ATP8A1: variants seen among roughly 807,000 people sequenced by gnomAD.
ATP8A1 encodes the protein phospholipid-transporting ATPase IA.
A neutral mutation model predicts 177.7 loss-of-function variants in ATP8A1; 90 were observed. The observed-to-expected ratio is 0.51, with a 90% confidence interval of 0.43 to 0.60. The LOEUF is 0.60. Among genes scored for constraint, ATP8A1 ranks in the 20% least tolerant of loss-of-function variants. The pLI is 0.00. For missense variants in ATP8A1, 1,072 were observed against 1,392.8 expected (o/e 0.77, Z 3.67); for synonymous variants, 493 against 485.9 (o/e 1.01, Z -0.19).
At chr4:42,603,066 A>T (rs547036392) in intron 5 of ATP8A1, among the ~76,000 whole-genome samples, 1 of 152,080 alleles carries the variant, frequency 6.6e-6, no homozygotes, top group African/African-American at 2.4e-5. Context: ...GTTTTTTTTA[A>T]AAAAAAACTA....
intron 30 of ATP8A1, among the ~76,000 whole-genome samples, chr4:42,447,227 A>G (rs1717371868): frequency 6.6e-6 from 1 of 152,140 alleles, no homozygotes; most frequent in African/African-American, 2.4e-5. Flanking sequence ...TTTGTCATCC[A>G]GGTTGGAGTG....
intron 1 of ATP8A1, among the ~76,000 whole-genome samples, chr4:42,648,324 C>T (rs1740748320): frequency 6.7e-6 from 1 of 148,822 alleles, no homozygotes; most frequent in Admixed American, 6.7e-5. Flanking sequence ...AATTTGATAC[C>T]AGGGGCTAAA....
At chr4:42,438,404 A>C (rs1398129744) in intron 33 of ATP8A1, among the ~76,000 whole-genome samples, 1 of 152,160 alleles carries the variant, frequency 6.6e-6, no homozygotes. Context: ...ATGATGTAGG[A>C]TGACTGGGTT....
chr4:42,579,366 TA>T (rs34902779), intron 11 of ATP8A1, among the ~76,000 whole-genome samples: 78,661 of 147,384 alleles, frequency 0.53, 22,459 homozygotes, highest in East Asian at 0.92. Context: ...TTATTTAAGA[TA>T]AAATATATTT....
intron 33 of ATP8A1, among the ~76,000 whole-genome samples, chr4:42,428,712 T>C (rs1379111337): frequency 1.3e-5 from 2 of 152,164 alleles, no homozygotes; most frequent in Admixed American, 6.5e-5. Context: ...AAATCTTTAA[T>C]ACAATTTCAA....
intron 1 of ATP8A1, among the ~76,000 whole-genome samples, chr4:42,633,181 C>T (rs1738924784): frequency 6.6e-6 from 1 of 152,160 alleles, no homozygotes; most frequent in Non-Finnish European, 1.5e-5. Flanking sequence ...CAACAACTAC[C>T]TGGCACCTAC....
rs1717210673 is a variant in ATP8A1, at chr4:42,446,103, A to AAAAAAG, written c.2958+479_2958+480insCTTTTT. Among the ~76,000 whole-genome samples the AAAAAAG allele has an allele frequency of 7.4e-5, 8 of 107,878 alleles. 1 individual carries two copies. Among genetic ancestry groups the AAAAAAG allele is most frequent in the Non-Finnish European group, 1.4e-4 (6 of 44,252 alleles). 70.8% of individuals were successfully genotyped at this position (107,878 alleles called of 152,430 possible). ...CTCAAAAAAAAAAAAAAAAAAAGAG[A>AAAAAAG]AGAGATATAGTTTGAAATAAATTAA... On this transcript the variant is annotated intron_variant, in intron 31 of 36. Coordinates refer to ENST00000381668, the MANE Select transcript of ATP8A1 (RefSeq NM_006095.2).
intron 27 of ATP8A1, among the ~76,000 whole-genome samples, chr4:42,462,771 T>C (rs1053213896): frequency 1.1e-4 from 17 of 152,150 alleles, no homozygotes; most frequent in African/African-American, 4.1e-4. Flanking sequence ...TGCCAGCCTG[T>C]GAAGGCAGCT....
chr4:42,491,225 C>T (rs1411127962), intron 24 of ATP8A1, among the ~76,000 whole-genome samples: 1 of 151,972 alleles, frequency 6.6e-6, no homozygotes, highest in African/African-American at 2.4e-5. Context: ...TAGTCATCAA[C>T]CTTGGTTGTA....
At chr4:42,470,945 TTTAC>T (rs1720331479) in intron 25 of ATP8A1, among the ~76,000 whole-genome samples, 1 of 152,188 alleles carries the variant, frequency 6.6e-6, no homozygotes, top group Non-Finnish European at 1.5e-5. Flanking sequence ...TTGTTGACTA[TTTAC>T]AGAAATTACA....
intron 22 of ATP8A1, among the ~76,000 whole-genome samples, chr4:42,509,513 C>T (rs1724777111): frequency 6.6e-6 from 1 of 152,202 alleles, no homozygotes; most frequent in Admixed American, 6.5e-5. Flanking sequence ...ACACATGTCC[C>T]CCACTGCCTT....
At chr4:42,574,503 G>A in intron 14 of ATP8A1, 116 bp downstream of exon 14, 1 of 761,440 alleles carries the variant, frequency 1.3e-6, no homozygotes, top group Non-Finnish European at 2.1e-6. Flanking sequence ...CTGCTTTTCA[G>A]ACTAAAAAAA....
At chr4:42,516,768 A>G (rs970519184) in intron 22 of ATP8A1, among the ~76,000 whole-genome samples, 1 of 152,338 alleles carries the variant, frequency 6.6e-6, no homozygotes, top group Non-Finnish European at 1.5e-5. Flanking sequence ...CATAGTATGA[A>G]TATGAGACAA....
chr4:42,567,429 C>T (rs1731467169), intron 15 of ATP8A1, among the ~76,000 whole-genome samples: 1 of 152,004 alleles, frequency 6.6e-6, no homozygotes, highest in Non-Finnish European at 1.5e-5. Context: ...GTCCCAGCTA[C>T]TCGGGAGGCT....
At chr4:42,486,885 A>G (rs926344372) in intron 24 of ATP8A1, among the ~76,000 whole-genome samples, 2 of 152,332 alleles carry the variant, frequency 1.3e-5, no homozygotes, top group East Asian at 3.9e-4. Flanking sequence ...AGGCTATGCC[A>G]TCTAGGTTTG....
rs1187838350 is a variant in ATP8A1 at position 42,475,514 on chromosome 4, A to C, written c.2324+9982T>G. 2.0e-5 allele frequency among the ~76,000 whole-genome samples: 3 copies of C among 150,640 alleles called. No homozygotes were observed. In the East Asian group the frequency reaches 5.9e-4, roughly 29 times the overall value. ...GACAAAAAAAAAAAAAAAATTCAGG[A>C]CATAGAAAAGGCCATAACGGTCAGA... is the stretch of plus-strand genomic sequence containing the variant. On this transcript the variant is annotated intron_variant, in intron 25 of 36. Transcript: ENST00000381668.
At chr4:42,425,897 G>C (rs1359373305) in intron 33 of ATP8A1, among the ~76,000 whole-genome samples, 1 of 152,208 alleles carries the variant, frequency 6.6e-6, no homozygotes, top group Non-Finnish European at 1.5e-5. Context: ...GCTCCCGGGG[G>C]CCTTGAGAAG....
At chr4:42,559,747 C>G (rs1045944856) in intron 15 of ATP8A1, among the ~76,000 whole-genome samples, 2 of 152,190 alleles carry the variant, frequency 1.3e-5, no homozygotes, top group East Asian at 1.9e-4. Flanking sequence ...ACAGTCTTGG[C>G]TCACTTGGAG....
intron 5 of ATP8A1, among the ~76,000 whole-genome samples, chr4:42,614,159 T>C (rs916146256): frequency 1.3e-5 from 2 of 152,118 alleles, no homozygotes; most frequent in African/African-American, 4.8e-5. Flanking sequence ...ATCTGAATGG[T>C]AGGCAAGGAA....
Sources: gnomAD v4.1 joint callset for allele counts (sites outside exome capture counted in the v4.1 genomes callset) on GRCh38, gnomAD v4.1.1 for gene constraint, MANE v1.5 for transcripts, NCBI Gene and HGNC (gene_info 2026-07-23, HGNC 2026-07-21) for gene names.